The following SLC2A7 variants were observed in gnomAD, a reference collection of about 807,000 sequenced individuals.
The protein encoded by SLC2A7 is solute carrier family 2 member 7.
In SLC2A7, 50 loss-of-function variants were observed where a neutral mutation model predicts 50.5. That is an observed-to-expected ratio of 0.99 (90% confidence interval 0.79 to 1.25). The LOEUF is 1.25. Among genes scored for constraint, SLC2A7 ranks in the 50% most tolerant of loss-of-function variants. SLC2A7 has a pLI of 0.00. For missense variants in SLC2A7, 683 were observed against 679.1 expected (o/e 1.01, Z -0.06); for synonymous variants, 308 against 300.4 (o/e 1.03, Z -0.26).
At position 9,008,834 on chromosome 1, in the gene SLC2A7, G is replaced by A. The variant is rs149008672; in HGVS notation, c.1116+1309C>T. Among the ~76,000 whole-genome samples, 1,409 of 152,318 alleles carry A rather than the reference G, an allele frequency of 9.3e-3. 10 individuals are homozygous for A. Among genetic ancestry groups the A allele is most frequent in the South Asian group, 0.015 (71 of 4,824 alleles). Reference sequence around the variant, plus strand: ...TGCTCTAGAACTCCTGACCTCAGGTGATCCACCCGCTTTGGCTTCCCAAAG... The same window carrying A: ...TGCTCTAGAACTCCTGACCTCAGGTAATCCACCCGCTTTGGCTTCCCAAAG... On this transcript the variant is annotated intron_variant, in intron 9 of 11. Coordinates refer to ENST00000400906, the MANE Select transcript of SLC2A7 (RefSeq NM_207420.3). This position sits in a 1 kb window ranked among gnomAD's most constrained non-coding sequence, Gnocchi z 5.9.
At chr1:8,993,707 A>G in the SLC2A7 span, among the ~76,000 whole-genome samples, 16 of 152,310 alleles carry the variant, frequency 1.1e-4, no homozygotes, top group East Asian at 2.3e-3. Flanking sequence ...GGCTCACTCT[A>G]ACCTCCGCCT....
intron 7 of SLC2A7, 121 bp from the exon 8 acceptor site, chr1:9,013,756 G>T (rs187428049): frequency 2.6e-6 from 2 of 762,390 alleles, no homozygotes; most frequent in South Asian, 2.0e-5. Flanking sequence ...GACAGGAAGA[G>T]GGTAGCAGGT....
At chr1:8,997,643 C>T in the SLC2A7 span, among the ~76,000 whole-genome samples, 6 of 152,124 alleles carry the variant, frequency 3.9e-5, no homozygotes, top group Non-Finnish European at 7.3e-5. Context: ...GGTGATCTGC[C>T]TGCCTCGGCC....
chr1:9,011,655 G>A (rs925908002), intron 8 of SLC2A7, among the ~76,000 whole-genome samples: 1 of 151,292 alleles, frequency 6.6e-6, no homozygotes, highest in Non-Finnish European at 1.5e-5. Context: ...CACTCAGCCA[G>A]CTCCTTCTCC....
chr1:9,002,113 C>T (rs921880489), downstream of SLC2A7, among the ~76,000 whole-genome samples: 6 of 152,084 alleles, frequency 3.9e-5, no homozygotes, highest in Non-Finnish European at 7.4e-5. Context: ...CAATGCACTG[C>T]GGAAGGCCAC....
rs370507185 is a variant in SLC2A7, at chr1:9,019,291, G to A, written c.354C>T (p.Pro118=). ...CTTTGCTGACTCCCATCAGGATGGC[G>A]GGGATGATGGCAAAGATGTTGTTGA... ...LLINNIFAII[P]AILMGVSKVA... The change falls in exon 4 of 12, where the codon CCC becomes CCT. Residue 118 remains proline, a synonymous_variant. Transcript: ENST00000400906. 176 of 1,614,074 alleles carry A rather than the reference G, an allele frequency of 1.1e-4. 1 individual carries two copies. The South Asian group carries it at 1.4e-3, about 13-fold the overall frequency.
rs1347114547 is a variant in SLC2A7, at chr1:9,003,465, A to G, written c.1374T>C (p.Thr458=). The change falls in exon 12 of 12, where the codon ACT becomes ACC. Residue 458 remains threonine (T), a synonymous_variant. Transcript: ENST00000400906. ...GAATAACCACGTAGATGTAAATCGC[A>G]GTGAGGAGGCAGATTCCGGCAAAGA... The part of the protein sequence containing the change: ...FIIFAGICLL[T]AIYIYVVIPE... 6 of 1,614,198 alleles carry G rather than the reference A, an allele frequency of 3.7e-6. No individual in the cohort carries two copies. Among genetic ancestry groups the G allele is most frequent in the South Asian group, 1.1e-5 (1 of 91,092 alleles).
At chr1:9,002,646 C>T (rs755962106), downstream of SLC2A7, among the ~76,000 whole-genome samples, 8 of 152,236 alleles carry the variant, frequency 5.3e-5, no homozygotes, top group Non-Finnish European at 8.8e-5. Flanking sequence ...ACTGAGGGAA[C>T]TCAGAGACCA....
At chr1:9,025,103 G>A (rs752180462) in intron 1 of SLC2A7, 29 bp from the exon 2 acceptor site, 1 of 1,609,004 alleles carries the variant, frequency 6.2e-7, no homozygotes, top group Non-Finnish European at 8.5e-7. Context: ...AGGTCGGGAC[G>A]CTGTGGGCTT....
chr1:9,001,321 C>T (rs182118862), downstream of SLC2A7, among the ~76,000 whole-genome samples: 21 of 151,706 alleles, frequency 1.4e-4, no homozygotes, highest in African/African-American at 3.4e-4. Context: ...AGGAAACCCA[C>T]GTTATGACAA....
At chr1:8,992,662 C>T in the SLC2A7 span, among the ~76,000 whole-genome samples, 22 of 152,298 alleles carry the variant, frequency 1.4e-4, no homozygotes, top group East Asian at 4.0e-3. Flanking sequence ...GTTTTAGCAA[C>T]ACAGGGAACC....
In SLC2A7 at chr1:9,008,812, T is replaced by C. The variant is rs952718619; in HGVS notation, c.1116+1331A>G. Among the ~76,000 whole-genome samples the C allele has an allele frequency of 2.6e-5, 4 of 152,178 alleles. No homozygotes were observed. Among genetic ancestry groups the C allele is most frequent in the African/African-American group, 9.7e-5 (4 of 41,434 alleles). On this transcript the variant is annotated intron_variant, in intron 9 of 11. Transcript: ENST00000400906. The surrounding 1 kb of genome is among the most constrained non-coding windows in gnomAD (Gnocchi z 5.9). ...GGGTTTCACCACGTGGTCAGGCTGCTCTAGAACTCCTGACCTCAGGTGATC... is the reference window on the plus strand; with the variant it reads ...GGGTTTCACCACGTGGTCAGGCTGCCCTAGAACTCCTGACCTCAGGTGATC...
Position 9,023,030 on chromosome 1 carries a change from A to C in SLC2A7, c.199T>G (p.Phe67Val), listed in dbSNP as rs757532153. Reference protein sequence around the residue: ...NETYFERHATFMDGKLMLLLW... With the variant: ...NETYFERHATVMDGKLMLLLW... ...AGCAGCATGAGCTTCCCGTCCATGA[A>C]TGTTGCGTGTCGCTCAAAGTAGGTT... Residue 67 changes from phenylalanine (F) to valine (V), a missense_variant, in exon 3 of 12, where the codon TTC (phenylalanine) becomes GTC (valine). Phe to Val is a conservative substitution (Grantham distance 50). Coordinates refer to ENST00000400906, the MANE Select transcript of SLC2A7 (RefSeq NM_207420.3). 2.5e-6 allele frequency: 4 copies of C among 1,614,200 alleles called. No individual in the cohort carries two copies. Among genetic ancestry groups the C allele is most frequent in the Non-Finnish European group, 3.4e-6 (4 of 1,180,018 alleles).
At chr1:8,993,498 G>A in the SLC2A7 span, among the ~76,000 whole-genome samples, 2 of 152,216 alleles carry the variant, frequency 1.3e-5, no homozygotes, top group Non-Finnish European at 2.9e-5. Flanking sequence ...ACCTCCTGGT[G>A]TCTGACAGAA....
intron 2 of SLC2A7, among the ~76,000 whole-genome samples, chr1:9,024,600 C>T (rs1640966794): frequency 6.6e-6 from 1 of 151,974 alleles, no homozygotes; most frequent in Non-Finnish European, 1.5e-5. Flanking sequence ...TTCCTTTTTT[C>T]CCCTTTGCCC....
downstream of SLC2A7, among the ~76,000 whole-genome samples, chr1:9,001,757 G>A (rs571302786): frequency 6.6e-6 from 1 of 152,228 alleles, no homozygotes; most frequent in Admixed American, 6.5e-5. Flanking sequence ...CTTCCCCATT[G>A]GAGGGAGAGG....
intron 10 of SLC2A7, 93 bp from the exon 11 acceptor site, chr1:9,004,972 A>G: frequency 7.1e-7 from 1 of 1,412,270 alleles, no homozygotes; most frequent in Non-Finnish European, 9.5e-7. Flanking sequence ...CTGACCTAGG[A>G]CCCTCAAGAG....
At chr1:9,018,072 G>C (rs1247829120) in intron 5 of SLC2A7, 151 bp downstream of exon 5, 4 of 1,043,310 alleles carry the variant, frequency 3.8e-6, no homozygotes, top group Admixed American at 5.5e-5. Flanking sequence ...AAACAGCCCC[G>C]ACCACGTCAC....
intron 11 of SLC2A7, among the ~76,000 whole-genome samples, chr1:9,003,804 G>A (rs1203072192): frequency 6.6e-6 from 1 of 152,144 alleles, no homozygotes; most frequent in Non-Finnish European, 1.5e-5. Context: ...GTTGCAGTGA[G>A]CCAAGATCGC....
Sources: gnomAD v4.1 joint callset for allele counts (sites outside exome capture counted in the v4.1 genomes callset) on GRCh38, gnomAD v4.1.1 for gene constraint, Gnocchi (gnomAD v3.1) non-coding constraint, MANE v1.5 for transcripts, NCBI Gene and HGNC (gene_info 2026-07-23, HGNC 2026-07-21) for gene names.